Variants in SUCO observed in about 807,000 individuals in gnomAD.
SUCO encodes SUN domain-containing ossification factor.
SUCO carries 57 observed loss-of-function variants against 148.1 expected under a neutral mutation model. That is an observed-to-expected ratio of 0.38 (90% CI 0.31 to 0.48). SUCO has a LOEUF of 0.48. SUCO is among the 20% of genes least tolerant of loss of function. The pLI is 0.96. For synonymous variants in SUCO, 470 were observed against 502.7 expected, an observed-to-expected ratio of 0.93 and a Z score of 0.87; for missense variants, 1,331 against 1,468.2, an observed-to-expected ratio of 0.91 and a Z score of 1.53.
At position 172,553,357 on chromosome 1, in the gene SUCO, T is replaced by C. The variant is rs762374213; in HGVS notation, c.275T>C (p.Ile92Thr). The change falls in exon 3 of 24, where the codon ATT (isoleucine) becomes ACT (threonine). Residue 92 changes from isoleucine to threonine, a missense_variant. This residue lies in a region of SUCO where 992 missense variants were observed against 1,093.5 expected (regional missense o/e 0.91). Transcript: ENST00000263688. ...GAACATAAATTAAAAGATGATTCTATTGTGGATGTACAAGTAAGCTATGTC... is the reference window on the plus strand; with the variant it reads ...GAACATAAATTAAAAGATGATTCTACTGTGGATGTACAAGTAAGCTATGTC... Reference protein sequence around the residue: ...PKEHKLKDDSIVDVQNTESKK... With the variant: ...PKEHKLKDDSTVDVQNTESKK... 2 of 1,594,098 alleles carry C rather than the reference T, an allele frequency of 1.3e-6. No individual in the cohort carries two copies. The highest frequency in any genetic ancestry group is 1.7e-6 in the Non-Finnish European group (2 of 1,167,320).
chr1:172,575,666 T>G lies in SUCO; in HGVS notation c.1263+43T>G, dbSNP rs759751986. 2.2e-6 allele frequency: 3 copies of G among 1,361,798 alleles called. No homozygotes were observed. In the African/African-American group the frequency reaches 4.3e-5, roughly 20 times the overall value. The allele number at this position is 1,361,798 out of a possible 1,614,324, so 84.4% of individuals were successfully genotyped here. ...AGGACTATGTTCTATAATGAAAATA[T>G]ACGTGTTATTCACACTTTATACACC... is the stretch of plus-strand genomic sequence containing the variant. On this transcript the variant is annotated intron_variant, in intron 11 of 23. Coordinates refer to ENST00000263688, the MANE Select transcript of SUCO (RefSeq NM_014283.5).
In SUCO at chr1:172,589,483, T is replaced by C; in HGVS notation, c.2382T>C (p.Tyr794=). The C allele has an allele frequency of 6.2e-7, 1 of 1,611,068 alleles. No homozygotes were observed. The highest frequency in any genetic ancestry group is 1.1e-5 in the South Asian group (1 of 90,730). Residue 794 remains tyrosine, a synonymous_variant, in exon 18 of 24, where the codon TAT becomes TAC. Transcript: ENST00000263688. ...FSSIEKPSIT[Y]ETNKVNELMD... ...CTATAGAGAAACCATCTATTACCTA[T>C]GAAACAAATAAAGTTAATGAGTTAA... is the stretch of plus-strand genomic sequence containing the variant.
At position 172,570,072 on chromosome 1, in the gene SUCO, TG is replaced by T; in HGVS notation, c.884del (p.Gly295GlufsTer19). Reference protein sequence around the residue: ...KSQSMHASSNGGSHATKKVQK... With the variant: ...KSQSMHASSNXGSHATKKVQK... ...GTCAGTCGATGCATGCATCTTCTAA[TG>T]GAGGTTCACATGCCACCAAAAAGGT... On this transcript the variant is annotated frameshift_variant, in exon 8 of 24. Coordinates refer to ENST00000263688, the MANE Select transcript of SUCO (RefSeq NM_014283.5). LOFTEE classifies it high-confidence loss of function. 6.3e-7 allele frequency: 1 copy of T among 1,581,984 alleles called. No homozygotes were observed. The highest frequency in any genetic ancestry group is 8.6e-7 in the Non-Finnish European group (1 of 1,161,104).
At chr1:172,536,285 A>G (rs1274036149) in intron 1 of SUCO, among the ~76,000 whole-genome samples, 2 of 152,132 alleles carry the variant, frequency 1.3e-5, no homozygotes, top group African/African-American at 2.4e-5. Flanking sequence ...TGTATTTTAT[A>G]TATGTGGCTC....
At chr1:172,594,771 GT>G (rs1656960054) in intron 19 of SUCO, among the ~76,000 whole-genome samples, 1 of 152,230 alleles carries the variant, frequency 6.6e-6, no homozygotes, top group Admixed American at 6.5e-5. Flanking sequence ...AGGGTGGAGA[GT>G]TCAGTAGATG....
chr1:172,578,514 G>T, intron 14 of SUCO, 125 bp downstream of exon 14: 1 of 1,373,980 alleles, frequency 7.3e-7, no homozygotes, highest in Non-Finnish European at 9.4e-7. Flanking sequence ...TTGTTTTGTT[G>T]TTTTTAACTC....
intron 19 of SUCO, among the ~76,000 whole-genome samples, chr1:172,595,168 T>C (rs1039446192): frequency 4.6e-5 from 7 of 152,218 alleles, no homozygotes; most frequent in Non-Finnish European, 7.3e-5. Context: ...ATTTTGAGCC[T>C]GTGTGTGTCT....
intron 1 of SUCO, among the ~76,000 whole-genome samples, chr1:172,540,228 C>G (rs182326449): frequency 1.3e-3 from 195 of 152,264 alleles, no homozygotes; most frequent in Non-Finnish European, 2.1e-3. Context: ...GTTCTCTTAA[C>G]CGGTATGCTG....
At chr1:172,592,532 G>T (rs1656747652) in intron 19 of SUCO, among the ~76,000 whole-genome samples, 1 of 152,142 alleles carries the variant, frequency 6.6e-6, no homozygotes, top group African/African-American at 2.4e-5. Context: ...ATTAAATAGG[G>T]AATCCTTTCC....
intron 9 of SUCO, 84 bp downstream of exon 9, chr1:172,570,814 TATA>T (rs1654906907): frequency 9.8e-6 from 8 of 820,110 alleles, no homozygotes; most frequent in East Asian, 2.6e-5. Flanking sequence ...TACATTGACA[TATA>T]ATAATTTAAT....
At chr1:172,590,268 G>A (rs778294263) in intron 18 of SUCO, 1 of 912,692 alleles carries the variant, frequency 1.1e-6, no homozygotes, top group East Asian at 1.2e-4. Flanking sequence ...AAAAATGATA[G>A]TATATAGACC....
At position 172,610,192 on chromosome 1, in the gene SUCO, T is replaced by G. The variant is rs1367286405; in HGVS notation, c.3698T>G (p.Ile1233Arg). The change falls in exon 24 of 24, where the codon ATA becomes AGA. Residue 1233 changes from isoleucine to arginine, a missense_variant. This residue lies in a region of SUCO where 334 missense variants were observed against 352.3 expected (regional missense o/e 0.95). Transcript: ENST00000263688. ...GGATCATTGCCGAGCCTGCATGACA[T>G]AATCAAAGGAAACAAAGAGATCACC... is the stretch of plus-strand genomic sequence containing the variant. ...KSGSLPSLHD[I>R]IKGNKEITVG... The G allele has an allele frequency of 6.2e-7, 1 of 1,612,490 alleles. No individual in the cohort carries two copies. The highest frequency in any genetic ancestry group is 2.2e-5 in the East Asian group (1 of 44,880).
rs765287901 is a variant in SUCO at position 172,608,821 on chromosome 1, T to G, written c.3321+19T>G. The G allele has an allele frequency of 6.8e-7, 1 of 1,479,186 alleles. No homozygotes were observed. The highest frequency in any genetic ancestry group is 9.4e-7 in the Non-Finnish European group (1 of 1,067,874). The allele number at this position is 1,479,186 out of a possible 1,614,324, so 91.6% of individuals were successfully genotyped here. A position where few individuals can be genotyped will look rare whatever the true frequency, so the allele number is the denominator to read the frequency against. Reference sequence around the variant, plus strand: ...AAAGAAGGTAATTGTTTATTTCTTTTTAAGTTTATTGCTATGTTTTGTGAT... The same window carrying G: ...AAAGAAGGTAATTGTTTATTTCTTTGTAAGTTTATTGCTATGTTTTGTGAT... On this transcript the variant is annotated intron_variant, in intron 23 of 23. Coordinates refer to ENST00000263688, the MANE Select transcript of SUCO (RefSeq NM_014283.5).
At chr1:172,607,060 C>A (rs564153575) in intron 22 of SUCO, among the ~76,000 whole-genome samples, 1 of 151,598 alleles carries the variant, frequency 6.6e-6, no homozygotes, top group Admixed American at 6.6e-5. Flanking sequence ...TATATGTTTC[C>A]TGCAGATATT....
chr1:172,533,524 T>G lies in SUCO; in HGVS notation c.62+27T>G, dbSNP rs1473318821. The G allele has an allele frequency of 7.2e-6, 11 of 1,520,222 alleles. 1 individual carries two copies. The South Asian group carries it at 1.4e-4, about 19-fold the overall frequency. 94.2% of individuals were successfully genotyped at this position (1,520,222 alleles called of 1,614,324 possible). On this transcript the variant is annotated intron_variant, in intron 1 of 23. Coordinates refer to ENST00000263688, the MANE Select transcript of SUCO (RefSeq NM_014283.5). ...TGAGTAGCCGCGACGACAAGGGAGTTCCCGTGAGGGGAGTAAATGGGAGGG... is the reference window on the plus strand; with the variant it reads ...TGAGTAGCCGCGACGACAAGGGAGTGCCCGTGAGGGGAGTAAATGGGAGGG...
chr1:172,575,640 C>CAGG lies in SUCO; in HGVS notation c.1263+19_1263+21dup, dbSNP rs960648947. 2 of 1,499,092 alleles carry CAGG rather than the reference C, an allele frequency of 1.3e-6. No individual in the cohort carries two copies. The highest frequency in any genetic ancestry group is 2.8e-5 in the African/African-American group (2 of 72,392). The allele number at this position is 1,499,092 out of a possible 1,614,324, so 92.9% of individuals were successfully genotyped here. A position where few individuals can be genotyped will look rare whatever the true frequency, so the allele number is the denominator to read the frequency against. ...TATGTCAAGGTAATGTTTACACATA[C>CAGG]AGGACTATGTTCTATAATGAAAATA... On this transcript the variant is annotated intron_variant, in intron 11 of 23. Coordinates refer to ENST00000263688, the MANE Select transcript of SUCO (RefSeq NM_014283.5).
intron 15 of SUCO, among the ~76,000 whole-genome samples, chr1:172,582,954 C>CA (rs1337380966): frequency 6.6e-6 from 1 of 152,054 alleles, no homozygotes; most frequent in East Asian, 1.9e-4. Flanking sequence ...CAGATTAACA[C>CA]ATTTATCTTC....
At chr1:172,557,929 A>G in intron 6 of SUCO, 135 bp downstream of exon 6, 2 of 667,214 alleles carry the variant, frequency 3.0e-6, no homozygotes, top group Non-Finnish European at 4.9e-6. Flanking sequence ...TGTGGAACTA[A>G]CACGAACTGT....
chr1:172,600,225 GCCAGGC>G, intron 20 of SUCO, 57 bp downstream of exon 20: 1 of 1,241,100 alleles, frequency 8.1e-7, no homozygotes, highest in Admixed American at 2.4e-5. Flanking sequence ...TTGTCATAAA[GCCAGGC>G]TTGTTAACAT....
Sources: allele counts gnomAD v4.1 joint callset (sites outside exome capture counted in the v4.1 genomes callset), GRCh38; gene constraint gnomAD v4.1.1; regional missense constraint gnomAD v4.1.1; transcripts MANE v1.5; gene names NCBI Gene and HGNC (gene_info 2026-07-23, HGNC 2026-07-21).